EGF: variants seen among roughly 807,000 people sequenced by gnomAD.
EGF encodes pro-epidermal growth factor.
In EGF, 95 loss-of-function variants were observed where a neutral mutation model predicts 143.8. The ratio of observed to expected loss-of-function variants is 0.66; its 90% CI spans 0.56 to 0.78. EGF has a LOEUF of 0.78. Among genes scored for constraint, EGF ranks in the 30% least tolerant of loss-of-function variants. EGF has a pLI of 0.00. For synonymous variants in EGF, 510 were observed against 510.5 expected (o/e 1.00, Z 0.01); for missense variants, 1,320 against 1,470.9 (o/e 0.90, Z 1.68).
Position 109,976,234 on chromosome 4 carries a change from A to G in EGF, c.2052A>G (p.Val684=). 1 of 1,613,658 alleles carries G rather than the reference A, an allele frequency of 6.2e-7. No homozygotes were observed. The highest frequency in any genetic ancestry group is 8.5e-7 in the Non-Finnish European group (1 of 1,179,830). The change falls in exon 13 of 24, where the codon GTA becomes GTG. Residue 684 remains valine, a splice_region_variant and synonymous_variant. Transcript: ENST00000265171. ...SKRRRLTQND[V]GHPFAVAVFE... ...GCCGAAGACTTACCCAGAATGATGT[A>G]GGTGAGGCTTTGGGATGGGCGATTT... is the stretch of plus-strand genomic sequence containing the variant.
At chr4:109,964,271 A>G (rs1746184469) in intron 9 of EGF, 130 bp from the exon 10 acceptor site, 1 of 1,295,888 alleles carries the variant, frequency 7.7e-7, no homozygotes, top group Admixed American at 1.7e-5. Context: ...ATACCACACT[A>G]GAGGGAAATT....
intron 18 of EGF, among the ~76,000 whole-genome samples, chr4:109,991,978 A>G (rs1437723145): frequency 6.6e-6 from 1 of 151,612 alleles, no homozygotes; most frequent in Non-Finnish European, 1.5e-5. Context: ...ATAGCGAAAC[A>G]CTGTTCTCCA....
At chr4:109,962,616 A>T (rs1745890579) in intron 8 of EGF, among the ~76,000 whole-genome samples, 1 of 152,194 alleles carries the variant, frequency 6.6e-6, no homozygotes, top group Non-Finnish European at 1.5e-5. Flanking sequence ...TCCTGAACTC[A>T]TTGGTAGAAT....
chr4:109,978,628 T>C (rs1748867476), intron 13 of EGF, among the ~76,000 whole-genome samples: 2 of 152,180 alleles, frequency 1.3e-5, no homozygotes, highest in South Asian at 4.1e-4. Flanking sequence ...AGTTTCAGTT[T>C]TGCAAGATGA....
intron 5 of EGF, among the ~76,000 whole-genome samples, chr4:109,947,599 T>C (rs1743072660): frequency 6.6e-6 from 1 of 152,204 alleles, no homozygotes; most frequent in South Asian, 2.1e-4. Flanking sequence ...GTGAATCTGA[T>C]ACACTGCCAC....
chr4:109,980,559 A>G, intron 14 of EGF: 1 of 516,606 alleles, frequency 1.9e-6, no homozygotes, highest in South Asian at 2.2e-5. Flanking sequence ...GTCAGGAAAT[A>G]AGAATCACAT....
chr4:109,919,932 G>A (rs1311316335), intron 1 of EGF, among the ~76,000 whole-genome samples: 1 of 151,746 alleles, frequency 6.6e-6, no homozygotes, highest in Non-Finnish European at 1.5e-5. Context: ...TGTAAATAGA[G>A]AAGTATGCTC....
At chr4:109,996,185 G>A (rs1182985695) in intron 20 of EGF, among the ~76,000 whole-genome samples, 2 of 152,136 alleles carry the variant, frequency 1.3e-5, no homozygotes, top group Non-Finnish European at 2.9e-5. Context: ...ATAATATAAA[G>A]GGTACTACAG....
chr4:110,011,646 T>C lies in EGF; in HGVS notation c.*191T>C. 1 of 843,532 alleles carries C rather than the reference T, an allele frequency of 1.2e-6. No individual in the cohort carries two copies. Among genetic ancestry groups the C allele is most frequent in the Non-Finnish European group, 1.8e-6 (1 of 555,674 alleles). The allele number at this position is 843,532 out of a possible 1,614,324, so 52.3% of individuals were successfully genotyped here. A position where few individuals can be genotyped will look rare whatever the true frequency, so the allele number is the denominator to read the frequency against. The stretch of plus-strand genomic sequence containing the variant: ...TTTAAGCAGTCTCACTGCAGTCTTA[T>C]TTCCAAGTAAGAGTACTGGGAGAAT... On this transcript the variant is annotated 3_prime_UTR_variant, in exon 24 of 24. Coordinates refer to ENST00000265171, the MANE Select transcript of EGF (RefSeq NM_001963.6).
At chr4:109,924,449 A>G (rs1431542982) in intron 1 of EGF, among the ~76,000 whole-genome samples, 1 of 151,658 alleles carries the variant, frequency 6.6e-6, no homozygotes, top group Non-Finnish European at 1.5e-5. Context: ...TTTTATATAA[A>G]TTACATCCAT....
intron 9 of EGF, 82 bp downstream of exon 9, chr4:109,963,380 T>C (rs1746027701): frequency 6.4e-7 from 1 of 1,574,482 alleles, no homozygotes; most frequent in Non-Finnish European, 8.7e-7. Flanking sequence ...GAAAGTTAAC[T>C]GCTTATGGTT....
chr4:109,963,909 C>T (rs896000739), intron 9 of EGF, among the ~76,000 whole-genome samples: 1 of 152,188 alleles, frequency 6.6e-6, no homozygotes. Context: ...GTTAACTTCT[C>T]AGGGCCTTCA....
At chr4:109,937,483 CTT>C (rs1429155159) in intron 1 of EGF, among the ~76,000 whole-genome samples, 2 of 151,856 alleles carry the variant, frequency 1.3e-5, no homozygotes, top group Non-Finnish European at 2.9e-5. Context: ...GGTCTTGACT[CTT>C]TATCCAATTT....
chr4:109,977,236 A>G (rs1477820922), intron 13 of EGF: 2 of 152,240 alleles, frequency 1.3e-5, no homozygotes, highest in African/African-American at 2.4e-5. Flanking sequence ...ATGAAAAAAC[A>G]TGGTTTCTCT....
chr4:110,004,492 G>T lies in EGF; in HGVS notation c.3174-13G>T, dbSNP rs1213826398. 2 of 1,611,554 alleles carry T rather than the reference G, an allele frequency of 1.2e-6. No homozygotes were observed. Among genetic ancestry groups the T allele is most frequent in the South Asian group, 2.2e-5 (2 of 91,032 alleles). On this transcript the variant is annotated splice_polypyrimidine_tract_variant and intron_variant, in intron 21 of 23. Transcript: ENST00000265171. ...TTGTTGTGAGATTGTCTCAAATTTT[G>T]GCTTTATCACAGGACTCAGAAGCTG...
chr4:109,984,975 C>G (rs1560737482), intron 16 of EGF, among the ~76,000 whole-genome samples: 1 of 152,118 alleles, frequency 6.6e-6, no homozygotes, highest in Non-Finnish European at 1.5e-5. Context: ...TGGAGACAAA[C>G]AGCATGAAAG....
chr4:109,994,642 C>G, intron 19 of EGF, 91 bp from the exon 20 acceptor site: 1 of 1,435,100 alleles, frequency 7.0e-7, no homozygotes, highest in Non-Finnish European at 9.7e-7. Context: ...ATTTATGTCA[C>G]AAACTATTCA....
chr4:109,924,076 T>A (rs1007627143), intron 1 of EGF, among the ~76,000 whole-genome samples: 1 of 151,754 alleles, frequency 6.6e-6, no homozygotes, highest in Non-Finnish European at 1.5e-5. Flanking sequence ...AGTTATTGAA[T>A]TTTTTAGTGC....
At chr4:109,924,084 T>C (rs761487366) in intron 1 of EGF, among the ~76,000 whole-genome samples, 1 of 151,748 alleles carries the variant, frequency 6.6e-6, no homozygotes, top group Non-Finnish European at 1.5e-5. Flanking sequence ...AATTTTTTAG[T>C]GCATATAGAA....
Sources: gnomAD v4.1 joint callset for allele counts (sites outside exome capture counted in the v4.1 genomes callset) on GRCh38, gnomAD v4.1.1 for gene constraint, MANE v1.5 for transcripts, NCBI Gene and HGNC (gene_info 2026-07-23, HGNC 2026-07-21) for gene names.